Variants in MALRD1 observed in about 807,000 individuals in gnomAD.
MALRD1 encodes the protein MAM and LDL-receptor class A domain-containing protein 1.
A neutral mutation model predicts 242.1 loss-of-function variants in MALRD1; 247 were observed. The observed-to-expected ratio is 1.02, with a 90% CI of 0.92 to 1.13. The LOEUF is 1.13. MALRD1 is among the 50% of genes most tolerant of loss of function. The pLI is 0.00. For missense variants in MALRD1, 2,989 were observed against 2,533.1 expected (o/e 1.18, Z -3.86); for synonymous variants, 995 against 866.6 (o/e 1.15, Z -2.60).
intron 36 of MALRD1, among the ~76,000 whole-genome samples, chr10:19,635,969 T>C (rs72782160): frequency 0.29 from 43,920 of 151,954 alleles, 7,623 homozygotes; most frequent in South Asian, 0.46. Flanking sequence ...GGCACAATCT[T>C]GGCTCACTGC....
In MALRD1 at chr10:19,182,413, C is replaced by A. The variant is rs184003434; in HGVS notation, c.1951+7085C>A. On this transcript the variant is annotated intron_variant, in intron 14 of 39. Coordinates refer to ENST00000454679, the MANE Select transcript of MALRD1 (RefSeq NM_001142308.3). ...GATATGGGCTTACTGCCAGCTCTGC[C>A]TCCCGGGTTCACGCCATTCTCCTGC... is the stretch of plus-strand genomic sequence containing the variant. Among the ~76,000 whole-genome samples the A allele has an allele frequency of 2.6e-3, 380 of 148,508 alleles. 2 individuals are homozygous for A. The highest frequency in any genetic ancestry group is 9.0e-3 in the African/African-American group (362 of 40,044).
intron 9 of MALRD1, among the ~76,000 whole-genome samples, chr10:19,134,505 T>C (rs1447140460): frequency 1.3e-5 from 2 of 152,176 alleles, no homozygotes; most frequent in African/African-American, 4.8e-5. Context: ...AAAACCTCAA[T>C]TATTTTTGCA....
At position 19,297,525 on chromosome 10, in the gene MALRD1, T is replaced by TTA. The variant is rs747824768; in HGVS notation, c.3419+14353_3419+14354dup. On this transcript the variant is annotated intron_variant, in intron 21 of 39. Transcript: ENST00000454679. ...TCATGGCTATTTTTAAGACTTTTCT[T>TTA]TATATATATAGTTACACTTTTATAA... Among the ~76,000 whole-genome samples the TTA allele has an allele frequency of 3.1e-3, 475 of 151,960 alleles. 1 individual carries two copies. The highest frequency in any genetic ancestry group is 6.8e-3 in the Middle Eastern group (2 of 294).
chr10:19,442,703 C>G (rs1257024584), intron 28 of MALRD1, among the ~76,000 whole-genome samples: 1 of 152,096 alleles, frequency 6.6e-6, no homozygotes, highest in Non-Finnish European at 1.5e-5. Context: ...TTTTGATGTG[C>G]CGCTGGGTTC....
At chr10:19,129,937 GAT>G (rs34413523) in intron 8 of MALRD1, among the ~76,000 whole-genome samples, 35 of 148,484 alleles carry the variant, frequency 2.4e-4, no homozygotes, top group African/African-American at 6.4e-4. Flanking sequence ...ATGTGGATGT[GAT>G]ATATATATAT....
chr10:19,508,186 T>G (rs1349629861), intron 31 of MALRD1, among the ~76,000 whole-genome samples: 1 of 152,108 alleles, frequency 6.6e-6, no homozygotes, highest in Non-Finnish European at 1.5e-5. Flanking sequence ...TTCATTAGTG[T>G]TTTTACTTTT....
chr10:19,489,635 G>A (rs999869484), intron 29 of MALRD1, among the ~76,000 whole-genome samples: 1 of 152,100 alleles, frequency 6.6e-6, no homozygotes, highest in African/African-American at 2.4e-5. Flanking sequence ...AATAGTGTGG[G>A]ATATTGAATT....
Position 19,439,358 on chromosome 10 carries a change from C to T in MALRD1, c.4846-10949C>T, listed in dbSNP as rs113479416. 4.6e-3 allele frequency among the ~76,000 whole-genome samples: 704 copies of T among 152,036 alleles called. 5 individuals are homozygous for T. Among genetic ancestry groups the T allele is most frequent in the South Asian group, 0.016 (79 of 4,814 alleles). ...CCAGCCTGGGCAACATAGTAAGGCC[C>T]GGTCTCTGCACAAAAATAAATTTTA... On this transcript the variant is annotated intron_variant, in intron 28 of 39. Transcript: ENST00000454679.
intron 32 of MALRD1, among the ~76,000 whole-genome samples, chr10:19,562,243 C>G (rs1469991256): frequency 6.6e-6 from 1 of 151,948 alleles, no homozygotes; most frequent in Non-Finnish European, 1.5e-5. Context: ...TGCAGTGAGC[C>G]AAGATCGCGC....
chr10:19,558,216 T>C (rs1835811430), intron 32 of MALRD1, among the ~76,000 whole-genome samples: 1 of 152,100 alleles, frequency 6.6e-6, no homozygotes. Flanking sequence ...CTTTCTCAAT[T>C]AGTATGCTTT....
At position 19,492,162 on chromosome 10, in the gene MALRD1, T is replaced by A. The variant is rs140774037; in HGVS notation, c.5158+517T>A. 4.1e-3 allele frequency among the ~76,000 whole-genome samples: 629 copies of A among 152,328 alleles called. 2 individuals are homozygous for A. The highest frequency in any genetic ancestry group is 7.6e-3 in the Admixed American group (116 of 15,298). On this transcript the variant is annotated intron_variant, in intron 30 of 39. Transcript: ENST00000454679. Reference sequence around the variant, plus strand: ...TTTATTCAAGCTTTAATTCAAGCAATGTTTAAAAACATATATAAAACTAAG... The same window carrying A: ...TTTATTCAAGCTTTAATTCAAGCAAAGTTTAAAAACATATATAAAACTAAG...
intron 18 of MALRD1, among the ~76,000 whole-genome samples, chr10:19,213,025 C>A (rs1036041459): frequency 1.3e-5 from 2 of 152,108 alleles, no homozygotes; most frequent in Non-Finnish European, 2.9e-5. Flanking sequence ...TTCTCCCAGC[C>A]TGCAGCTTGC....
chr10:19,712,756 C>T (rs963949291), intron 38 of MALRD1, among the ~76,000 whole-genome samples: 3 of 152,158 alleles, frequency 2.0e-5, no homozygotes, highest in Admixed American at 2.0e-4. Context: ...GTACCTGGAC[C>T]TTTCCAACTG....
Position 19,288,893 on chromosome 10 carries a change from G to A in MALRD1, c.3419+5712G>A, listed in dbSNP as rs116073877. Among the ~76,000 whole-genome samples the A allele has an allele frequency of 5.2e-3, 786 of 152,210 alleles. 10 individuals carry two copies. The highest frequency in any genetic ancestry group is 0.018 in the African/African-American group (754 of 41,548). Reference sequence around the variant, plus strand: ...GCTCTGTGTGGGACCTCCTTCTGCAGATGGGCCTTATACTAAAGAGATTCA... The same window carrying A: ...GCTCTGTGTGGGACCTCCTTCTGCAAATGGGCCTTATACTAAAGAGATTCA... On this transcript the variant is annotated intron_variant, in intron 21 of 39. Coordinates refer to ENST00000454679, the MANE Select transcript of MALRD1 (RefSeq NM_001142308.3).
chr10:19,099,539 C>A (rs1219389433), intron 4 of MALRD1, among the ~76,000 whole-genome samples: 1 of 152,012 alleles, frequency 6.6e-6, no homozygotes, highest in Admixed American at 6.6e-5. Flanking sequence ...TATAGGAACT[C>A]CATGATCTCT....
intron 1 of MALRD1, among the ~76,000 whole-genome samples, chr10:19,053,875 C>T (rs1834584546): frequency 6.6e-6 from 1 of 151,152 alleles, no homozygotes. Context: ...ATATGTAAAC[C>T]TTTTATTTTT....
intron 18 of MALRD1, among the ~76,000 whole-genome samples, chr10:19,239,878 C>T (rs1226945292): frequency 2.0e-5 from 3 of 152,064 alleles, no homozygotes; most frequent in Non-Finnish European, 4.4e-5. Flanking sequence ...TATGGCAGTG[C>T]CATGCTGTTT....
intron 28 of MALRD1, among the ~76,000 whole-genome samples, chr10:19,415,301 C>T (rs1053346300): frequency 3.9e-5 from 6 of 152,028 alleles, no homozygotes; most frequent in African/African-American, 1.4e-4. Flanking sequence ...TAGTATAAGA[C>T]TTGTATTCAT....
Position 19,203,804 on chromosome 10 carries a change from G to T in MALRD1, c.2028G>T (p.Arg676=). 1 of 1,550,510 alleles carries T rather than the reference G, an allele frequency of 6.4e-7. No individual in the cohort carries two copies. The highest frequency in any genetic ancestry group is 8.7e-7 in the Non-Finnish European group (1 of 1,146,944). Residue 676 remains arginine (R), a synonymous_variant, in exon 15 of 40, where the codon CGG becomes CGT. Transcript: ENST00000454679. The part of the protein sequence containing the change: ...AISGDHFDWI[R]SSQSELSADF... The stretch of plus-strand genomic sequence containing the variant: ...GTGGTGACCATTTTGACTGGATACG[G>T]AGCTCTCAGAGTGAACTTTCTGCTG...
Sources: gnomAD v4.1 joint callset for allele counts (sites outside exome capture counted in the v4.1 genomes callset) on GRCh38, gnomAD v4.1.1 for gene constraint, MANE v1.5 for transcripts, NCBI Gene and HGNC (gene_info 2026-07-23, HGNC 2026-07-21) for gene names.